PIGF: variants seen among roughly 807,000 people sequenced by gnomAD.
PIGF encodes the protein GPI ethanolamine phosphate transferase, stabilizing subunit.
A neutral mutation model predicts 26.0 loss-of-function variants in PIGF; 23 were observed. The observed-to-expected ratio is 0.88, with a 90% CI of 0.64 to 1.25. The LOEUF is 1.25. Among genes scored for constraint, PIGF ranks in the 50% most tolerant of loss-of-function variants. The probability of loss-of-function intolerance (pLI) is 0.00; values close to 1 mark genes in which losing one functional copy is unlikely to be tolerated. For synonymous variants in PIGF, 93 were observed against 92.6 expected, an observed-to-expected ratio of 1.00 and a Z score of -0.03; for missense variants, 278 against 249.9, an observed-to-expected ratio of 1.11 and a Z score of -0.76.
At chr2:46,583,668 G>A (rs1162405376) in intron 5 of PIGF, among the ~76,000 whole-genome samples, 1 of 152,102 alleles carries the variant, frequency 6.6e-6, no homozygotes. Flanking sequence ...GAGAAAAACT[G>A]CCTTATTTTC....
At chr2:46,605,414 G>GTCT (rs1410075158) in intron 4 of PIGF, among the ~76,000 whole-genome samples, 1 of 151,986 alleles carries the variant, frequency 6.6e-6, no homozygotes, top group African/African-American at 2.4e-5. Context: ...GTGCTCCTTG[G>GTCT]TCTGTCACCT....
chr2:46,595,335 A>T (rs1174362236), intron 4 of PIGF, among the ~76,000 whole-genome samples: 1 of 152,174 alleles, frequency 6.6e-6, no homozygotes, highest in Non-Finnish European at 1.5e-5. Flanking sequence ...CCTATTCTGG[A>T]CATTTCATAT....
intron 4 of PIGF, among the ~76,000 whole-genome samples, chr2:46,594,733 A>G (rs1270221672): frequency 6.6e-6 from 1 of 151,678 alleles, no homozygotes; most frequent in Non-Finnish European, 1.5e-5. Flanking sequence ...ATGGGGTTTC[A>G]CCATGTTGGC....
intron 4 of PIGF, among the ~76,000 whole-genome samples, chr2:46,601,419 T>C (rs901362132): frequency 3.3e-5 from 5 of 152,144 alleles, no homozygotes; most frequent in African/African-American, 7.2e-5. Context: ...TGCCAGACAC[T>C]GTATCAGACA....
chr2:46,584,762 C>G (rs369771474), intron 5 of PIGF, among the ~76,000 whole-genome samples: 1 of 152,062 alleles, frequency 6.6e-6, no homozygotes, highest in East Asian at 1.9e-4. Flanking sequence ...AATCGTAACC[C>G]TGTCATTTTT....
chr2:46,614,772 G>C, intron 2 of PIGF, 165 bp downstream of exon 2: 1 of 549,668 alleles, frequency 1.8e-6, no homozygotes, highest in Non-Finnish European at 3.3e-6. Context: ...CAAACATTGT[G>C]GGCAGCCTTC....
intron 4 of PIGF, among the ~76,000 whole-genome samples, chr2:46,594,840 GT>G (rs70940629): frequency 7.4e-4 from 107 of 143,934 alleles, no homozygotes; most frequent in Middle Eastern, 3.6e-3. Flanking sequence ...GGCCCTCACC[GT>G]TTTTTTTTTT....
At chr2:46,592,650 C>T (rs757483617) in intron 4 of PIGF, 67 bp from the exon 5 acceptor site, 10 of 779,456 alleles carry the variant, frequency 1.3e-5, no homozygotes, top group Non-Finnish European at 2.4e-5. Flanking sequence ...CCAACAAGCA[C>T]TAGCACACAT....
At chr2:46,609,504 G>A (rs1572784307) in intron 4 of PIGF, among the ~76,000 whole-genome samples, 1 of 152,176 alleles carries the variant, frequency 6.6e-6, no homozygotes, top group South Asian at 2.1e-4. Flanking sequence ...TTTGGCACAA[G>A]GGGCTTCACT....
At chr2:46,585,301 G>A (rs1669534248) in intron 5 of PIGF, among the ~76,000 whole-genome samples, 1 of 151,012 alleles carries the variant, frequency 6.6e-6, no homozygotes, top group African/African-American at 2.4e-5. Context: ...AAGATAGTGA[G>A]AGTTTTTTAT....
intron 4 of PIGF, among the ~76,000 whole-genome samples, chr2:46,600,003 A>G (rs1670006731): frequency 6.6e-6 from 1 of 152,246 alleles, no homozygotes; most frequent in Admixed American, 6.5e-5. Context: ...GAATGGAGGT[A>G]GGGAGGCTGG....
Position 46,596,395 on chromosome 2 carries a change from G to C in PIGF, c.438-3812C>G, listed in dbSNP as rs1572774140. On this transcript the variant is annotated intron_variant, in intron 4 of 5. Coordinates refer to ENST00000281382, the MANE Select transcript of PIGF (RefSeq NM_002643.4). ...AGAGGTTGCCCTCTATTTTGTGGTA[G>C]CCAAGTGTTTATGATCCTACATATA... Among the ~76,000 whole-genome samples, 7 of 152,098 alleles carry C rather than the reference G, an allele frequency of 4.6e-5. No homozygotes were observed. The South Asian group carries it at 1.4e-3, about 32-fold the overall frequency.
At chr2:46,604,102 A>G (rs952688382) in intron 4 of PIGF, among the ~76,000 whole-genome samples, 5 of 152,136 alleles carry the variant, frequency 3.3e-5, no homozygotes, top group Non-Finnish European at 5.9e-5. Flanking sequence ...GTAAACAGGT[A>G]TATGAAAAGG....
intron 4 of PIGF, among the ~76,000 whole-genome samples, chr2:46,601,979 C>CTATA (rs1460724640): frequency 6.6e-6 from 1 of 151,526 alleles, no homozygotes; most frequent in African/African-American, 2.4e-5. Flanking sequence ...TTTCAATGAA[C>CTATA]TATATGGGTG....
At chr2:46,593,911 T>C (rs1421220870) in intron 4 of PIGF, among the ~76,000 whole-genome samples, 1 of 152,208 alleles carries the variant, frequency 6.6e-6, no homozygotes, top group Non-Finnish European at 1.5e-5. Context: ...AACCAATCCC[T>C]CTATCATCCT....
At chr2:46,610,827 T>C (rs1173530949) in intron 4 of PIGF, among the ~76,000 whole-genome samples, 1 of 151,990 alleles carries the variant, frequency 6.6e-6, no homozygotes, top group Non-Finnish European at 1.5e-5. Flanking sequence ...ACCACACTCG[T>C]CCCAAACAGT....
In PIGF at chr2:46,613,716, G is replaced by T. The variant is rs1250669751; in HGVS notation, c.298C>A (p.Leu100Met). 1 of 1,561,438 alleles carries T rather than the reference G, an allele frequency of 6.4e-7. No homozygotes were observed. The highest frequency in any genetic ancestry group is 8.8e-7 in the Non-Finnish European group (1 of 1,140,512). The stretch of plus-strand genomic sequence containing the variant: ...TACTCTATCAGTGGTGCTCCATACA[G>T]AACAAAAATTACATGAAAGGAGAAA... ...SCFSFHVIFVLYGAPLIELAL... is the reference protein window; with the variant it reads ...SCFSFHVIFVMYGAPLIELAL... The change falls in exon 3 of 6, where the codon CTG becomes ATG. Residue 100 changes from leucine to methionine, a missense_variant. By Grantham distance (15) the Leu-to-Met change is conservative. Transcript: ENST00000281382.
intron 1 of PIGF, chr2:46,615,540 T>C (rs1289349388): frequency 6.0e-6 from 1 of 167,940 alleles, no homozygotes; most frequent in Admixed American, 5.7e-5. Flanking sequence ...GTGGATTAAA[T>C]TATCTACTGC....
intron 1 of PIGF, 143 bp from the exon 2 acceptor site, chr2:46,615,328 T>C (rs1558714056): frequency 3.7e-6 from 2 of 541,922 alleles, no homozygotes; most frequent in Non-Finnish European, 6.6e-6. Context: ...TGCAGACGTG[T>C]AGATGCACAT....
Sources: gnomAD v4.1 joint callset for allele counts (sites outside exome capture counted in the v4.1 genomes callset) on GRCh38, gnomAD v4.1.1 for gene constraint, MANE v1.5 for transcripts, NCBI Gene and HGNC (gene_info 2026-07-23, HGNC 2026-07-21) for gene names.